The following CCDC175 variants were observed in gnomAD, a reference collection of about 807,000 sequenced individuals.
CCDC175 encodes the protein coiled-coil domain containing 175, also known as coiled-coil domain-containing protein 175.
Under a neutral mutation model 114.6 loss-of-function variants are expected in CCDC175, and 100 were observed. That is an observed-to-expected ratio of 0.87 (90% confidence interval 0.74 to 1.03). The LOEUF (loss-of-function observed/expected upper bound fraction) is 1.03, where lower values mean the gene tolerates loss of function less well. Ranked by LOEUF, CCDC175 falls within the 50% of genes least tolerant of loss-of-function variation. The pLI is 0.00. For synonymous variants in CCDC175, 306 were observed against 308.7 expected (o/e 0.99, Z 0.09); for missense variants, 880 against 917.8 (o/e 0.96, Z 0.53).
chr14:59,530,782 A>T (rs1894025430), intron 14 of CCDC175, among the ~76,000 whole-genome samples: 1 of 152,194 alleles, frequency 6.6e-6, no homozygotes, highest in Admixed American at 6.5e-5. Flanking sequence ...GGCGATTTTA[A>T]TTCCTATCCC....
chr14:59,548,279 G>A (rs969514188), intron 8 of CCDC175, among the ~76,000 whole-genome samples: 6 of 152,168 alleles, frequency 3.9e-5, no homozygotes, highest in Non-Finnish European at 7.3e-5. Flanking sequence ...GTAGAATGGT[G>A]GTTGCCAAGG....
At chr14:59,516,495 C>T (rs547856690) in intron 17 of CCDC175, among the ~76,000 whole-genome samples, 7 of 152,186 alleles carry the variant, frequency 4.6e-5, no homozygotes, top group African/African-American at 9.6e-5. Flanking sequence ...ATATCACCAC[C>T]GATCCCACAG....
At chr14:59,570,006 A>T (rs1187291675) in intron 3 of CCDC175, among the ~76,000 whole-genome samples, 3 of 152,216 alleles carry the variant, frequency 2.0e-5, no homozygotes, top group African/African-American at 7.2e-5. Context: ...AAAGAAGTTC[A>T]TGAAATGCTG....
intron 17 of CCDC175, among the ~76,000 whole-genome samples, chr14:59,513,946 C>T (rs953039671): frequency 2.0e-5 from 3 of 152,082 alleles, no homozygotes; most frequent in Admixed American, 2.0e-4. Context: ...CTCACATGGC[C>T]GGGTACTCCT....
chr14:59,540,547 A>G (rs1049162527), intron 11 of CCDC175, 128 bp downstream of exon 11: 5 of 1,082,358 alleles, frequency 4.6e-6, no homozygotes, highest in Non-Finnish European at 1.3e-6. Flanking sequence ...GAATTTACAC[A>G]TAATTTAGGA....
intron 6 of CCDC175, among the ~76,000 whole-genome samples, chr14:59,562,524 A>G (rs1204171947): frequency 6.6e-6 from 1 of 152,218 alleles, no homozygotes; most frequent in Non-Finnish European, 1.5e-5. Flanking sequence ...TAAGATTTGA[A>G]CGCAGCTCTG....
chr14:59,566,406 T>G (rs1296599694), intron 4 of CCDC175, among the ~76,000 whole-genome samples: 1 of 152,186 alleles, frequency 6.6e-6, no homozygotes, highest in Non-Finnish European at 1.5e-5. Context: ...GGAATTGTGT[T>G]TGAAGGCTCA....
rs1894091449 is a variant in CCDC175 at position 59,531,840 on chromosome 14, A to C, written c.1694T>G (p.Leu565Arg). ...EEELVEYLPQ[L>R]QVAEQEYKEK... ...TTTATACTCTTGTTCTGCCACCTGA[A>C]GTTGTGGAAGATACTCAACTAGTTC... Residue 565 changes from leucine to arginine, a missense_variant, in exon 14 of 20, where the codon CTT becomes CGT. Physicochemically the swap from Leu to Arg is moderately radical, Grantham distance 102. Transcript: ENST00000537690. 1.4e-6 allele frequency: 2 copies of C among 1,445,410 alleles called. No individual in the cohort carries two copies. The highest frequency in any genetic ancestry group is 2.8e-5 in the African/African-American group (2 of 71,082). The allele number at this position is 1,445,410 out of a possible 1,614,324, so 89.5% of individuals were successfully genotyped here.
At chr14:59,572,591 C>G (rs1275806195) in intron 3 of CCDC175, 111 bp downstream of exon 3, 1 of 560,052 alleles carries the variant, frequency 1.8e-6, no homozygotes, top group African/African-American at 2.0e-5. Context: ...GTCATGTATG[C>G]TTTCTAGCTC....
At chr14:59,530,273 A>G (rs1893989454) in intron 14 of CCDC175, among the ~76,000 whole-genome samples, 1 of 152,062 alleles carries the variant, frequency 6.6e-6, no homozygotes, top group Non-Finnish European at 1.5e-5. Flanking sequence ...AGGCTGAGGC[A>G]GGAGAATCGC....
chr14:59,520,903 G>C (rs544388800), intron 17 of CCDC175, among the ~76,000 whole-genome samples: 1 of 152,206 alleles, frequency 6.6e-6, no homozygotes. Context: ...TATCTTGCTT[G>C]TGGTGATAGT....
chr14:59,514,217 AAAACAGAGCAG>A (rs1365225565), intron 17 of CCDC175, among the ~76,000 whole-genome samples: 2 of 152,234 alleles, frequency 1.3e-5, no homozygotes, highest in African/African-American at 4.8e-5. Flanking sequence ...AGATGGGGAA[AAAACAGAGCAG>A]AAAAACTGGA....
chr14:59,542,999 GTAT>G (rs1428107274), intron 10 of CCDC175, among the ~76,000 whole-genome samples: 8 of 152,150 alleles, frequency 5.3e-5, no homozygotes, highest in African/African-American at 1.9e-4. Flanking sequence ...TCATGTACAG[GTAT>G]TATTTTTTAA....
intron 18 of CCDC175, among the ~76,000 whole-genome samples, chr14:59,511,548 T>A (rs866353385): frequency 1.7e-4 from 16 of 94,646 alleles, no homozygotes; most frequent in Admixed American, 3.9e-4. Context: ...TGATATTTGG[T>A]AAAAAAAAAA....
intron 5 of CCDC175, chr14:59,564,321 AAGAC>A (rs1896394893): frequency 6.5e-6 from 1 of 152,822 alleles, no homozygotes; most frequent in African/African-American, 2.4e-5. Flanking sequence ...AAAATCATCA[AAGAC>A]AGAGCAGCTT....
chr14:59,542,317 G>A (rs1894838364), intron 10 of CCDC175, among the ~76,000 whole-genome samples: 1 of 152,122 alleles, frequency 6.6e-6, no homozygotes, highest in South Asian at 2.1e-4. Context: ...ATATGTGTTA[G>A]TCTTGCTTCT....
intron 3 of CCDC175, among the ~76,000 whole-genome samples, chr14:59,571,386 A>T (rs1158180106): frequency 6.6e-6 from 1 of 152,240 alleles, no homozygotes; most frequent in African/African-American, 2.4e-5. Flanking sequence ...TAACATTCAG[A>T]ATACATAAAG....
chr14:59,547,521 T>C (rs1310628062), intron 8 of CCDC175, among the ~76,000 whole-genome samples: 3 of 152,200 alleles, frequency 2.0e-5, no homozygotes, highest in Non-Finnish European at 4.4e-5. Context: ...TTCAAATGAA[T>C]AGAGTCAACA....
chr14:59,570,189 AGCTGCTGGGCACTGTGGACTGCTGGAT>A (rs1464970041), intron 3 of CCDC175, among the ~76,000 whole-genome samples: 1 of 152,142 alleles, frequency 6.6e-6, no homozygotes, highest in African/African-American at 2.4e-5. Context: ...TACTGGTGGA[AGCTGCTGGGCACTGTGGACTGCTGGAT>A]GCTGCAGGAC....
Sources: gnomAD v4.1 joint callset for allele counts (sites outside exome capture counted in the v4.1 genomes callset) on GRCh38, gnomAD v4.1.1 for gene constraint, MANE v1.5 for transcripts, NCBI Gene and HGNC (gene_info 2026-07-23, HGNC 2026-07-21) for gene names.